GRB10: variants seen among roughly 807,000 people sequenced by gnomAD.
GRB10 encodes the protein growth factor receptor bound protein 10.
Under a neutral mutation model 80.9 loss-of-function variants are expected in GRB10, and 20 were observed. The ratio of observed to expected loss-of-function variants is 0.25; its 90% CI spans 0.17 to 0.36. The LOEUF is 0.36. Among genes scored for constraint, GRB10 ranks in the 10% least tolerant of loss-of-function variants. GRB10 has a pLI of 1.00. For missense variants in GRB10, 548 were observed against 747.7 expected, an observed-to-expected ratio of 0.73 and a Z score of 3.12; for synonymous variants, 291 against 291.5, an observed-to-expected ratio of 1.00 and a Z score of 0.02.
intron 3 of GRB10, among the ~76,000 whole-genome samples, chr7:50,753,999 C>A (rs887223236): frequency 5.9e-5 from 9 of 152,224 alleles, no homozygotes; most frequent in Non-Finnish European, 8.8e-5. Flanking sequence ...CTCAAGGAAT[C>A]TCAGCATCAC....
chr7:50,653,433 G>C (rs2058238821), intron 7 of GRB10, among the ~76,000 whole-genome samples: 1 of 152,230 alleles, frequency 6.6e-6, no homozygotes, highest in South Asian at 2.1e-4. Context: ...CCCACCCGCT[G>C]CAACTGGGAC....
intron 2 of GRB10, among the ~76,000 whole-genome samples, chr7:50,775,820 C>T (rs1588077478): frequency 1.3e-5 from 2 of 152,352 alleles, no homozygotes; most frequent in African/African-American, 4.8e-5. Context: ...GGCTTATGCC[C>T]TGTGCCTTCC....
At chr7:50,605,250 T>A (rs753028454) in intron 15 of GRB10, 40 bp downstream of exon 15, 3 of 1,473,804 alleles carry the variant, frequency 2.0e-6, no homozygotes, top group Non-Finnish European at 9.5e-7. Flanking sequence ...GCTACCACCT[T>A]GAGGGTGCCC....
rs564968578 is a variant in GRB10 at position 50,745,964 on chromosome 7, C to T, written c.-47+9923G>A. ...TCTTAATCTCATTCTTTTGGCAAAT[C>T]TTGAACAAGGCCTGGGATTTGCTCT... On this transcript the variant is annotated intron_variant, in intron 3 of 18. Transcript: ENST00000401949. Among the ~76,000 whole-genome samples the T allele has an allele frequency of 3.9e-5, 6 of 152,318 alleles. No homozygotes were observed. The South Asian group carries it at 1.2e-3, about 32-fold the overall frequency.
chr7:50,724,272 A>G (rs753404793), intron 4 of GRB10, among the ~76,000 whole-genome samples: 7 of 152,250 alleles, frequency 4.6e-5, no homozygotes, highest in Admixed American at 1.3e-4. Flanking sequence ...GGGAAGAAGC[A>G]GTTTTTGCTG....
chr7:50,602,687 C>T (rs2047812899), intron 17 of GRB10, among the ~76,000 whole-genome samples: 1 of 152,124 alleles, frequency 6.6e-6, no homozygotes, highest in South Asian at 2.1e-4. Flanking sequence ...CTTAAATAAC[C>T]TCAACTTAAT....
intron 13 of GRB10, among the ~76,000 whole-genome samples, chr7:50,610,969 C>T (rs1027703936): frequency 6.6e-6 from 1 of 151,626 alleles, no homozygotes; most frequent in Non-Finnish European, 1.5e-5. Context: ...TTGGAGTATA[C>T]TACCACTTTC....
chr7:50,754,012 G>C (rs532910499), intron 3 of GRB10, among the ~76,000 whole-genome samples: 1 of 152,162 alleles, frequency 6.6e-6, no homozygotes, highest in Non-Finnish European at 1.5e-5. Context: ...AGCATCACTC[G>C]CAACAAATCT....
chr7:50,654,442 CA>C (rs1435106379), intron 7 of GRB10, among the ~76,000 whole-genome samples: 4 of 152,206 alleles, frequency 2.6e-5, no homozygotes, highest in Non-Finnish European at 5.9e-5. Context: ...CTGGCCTTAA[CA>C]GACGAGGTTC....
At chr7:50,745,604 G>T (rs958130283) in intron 3 of GRB10, among the ~76,000 whole-genome samples, 1 of 152,268 alleles carries the variant, frequency 6.6e-6, no homozygotes, top group African/African-American at 2.4e-5. Context: ...TGTCTTTGCC[G>T]CCTAAAAATA....
chr7:50,749,043 GT>G (rs1482709505), intron 3 of GRB10, among the ~76,000 whole-genome samples: 2 of 151,878 alleles, frequency 1.3e-5, no homozygotes, highest in Non-Finnish European at 2.9e-5. Flanking sequence ...GCCACAATTT[GT>G]CAAACTCAAA....
intron 17 of GRB10, among the ~76,000 whole-genome samples, chr7:50,600,541 A>T (rs980483580): frequency 6.6e-6 from 1 of 152,176 alleles, no homozygotes; most frequent in African/African-American, 2.4e-5. Flanking sequence ...CAAAAGAAAG[A>T]AAGGGAGAAT....
intron 4 of GRB10, among the ~76,000 whole-genome samples, chr7:50,730,080 C>T (rs553375083): frequency 6.6e-6 from 1 of 152,130 alleles, no homozygotes; most frequent in Non-Finnish European, 1.5e-5. Context: ...ATGGAAACTG[C>T]GGTAGGGAAA....
intron 17 of GRB10, among the ~76,000 whole-genome samples, chr7:50,597,715 T>G (rs1440793571): frequency 6.6e-6 from 1 of 152,228 alleles, no homozygotes; most frequent in African/African-American, 2.4e-5. Flanking sequence ...AGGGAATGCC[T>G]GAAGGTTGTC....
At chr7:50,699,798 CCT>C (rs1324561646) in intron 5 of GRB10, among the ~76,000 whole-genome samples, 3 of 151,838 alleles carry the variant, frequency 2.0e-5, no homozygotes, top group African/African-American at 4.8e-5. Flanking sequence ...AAGCTGTTGT[CCT>C]CTGTGTTTAA....
chr7:50,636,437 T>C (rs555641568), intron 7 of GRB10, among the ~76,000 whole-genome samples: 1 of 152,292 alleles, frequency 6.6e-6, no homozygotes, highest in South Asian at 2.1e-4. Context: ...GTAAGGATAC[T>C]GCAGGCCAAT....
intron 6 of GRB10, among the ~76,000 whole-genome samples, chr7:50,672,320 C>T (rs1349793221): frequency 6.6e-6 from 1 of 152,216 alleles, no homozygotes; most frequent in South Asian, 2.1e-4. Context: ...CCACGGTTTC[C>T]TCAGCTGGGA....
chr7:50,593,154 A>G, intron 18 of GRB10, 56 bp from the exon 19 acceptor site: 28 of 1,594,006 alleles, frequency 1.8e-5, no homozygotes, highest in Non-Finnish European at 2.3e-5. Flanking sequence ...AGGGAACAGA[A>G]CGGGGCCCAC....
intron 7 of GRB10, among the ~76,000 whole-genome samples, chr7:50,660,936 G>GC (rs1267107798): frequency 6.6e-6 from 1 of 152,158 alleles, no homozygotes; most frequent in East Asian, 1.9e-4. Flanking sequence ...TTAGGCTCAG[G>GC]CCCCAATGTC....
Sources: allele counts gnomAD v4.1 joint callset (sites outside exome capture counted in the v4.1 genomes callset), GRCh38; gene constraint gnomAD v4.1.1; transcripts MANE v1.5; gene names NCBI Gene and HGNC (gene_info 2026-07-23, HGNC 2026-07-21).